LDLRAD4: variants seen among roughly 807,000 people sequenced by gnomAD.
The protein encoded by LDLRAD4 is low-density lipoprotein receptor class A domain-containing protein 4.
LDLRAD4 carries 5 observed loss-of-function variants against 17.0 expected under a neutral mutation model. The ratio of observed to expected loss-of-function variants is 0.29; its 90% confidence interval spans 0.15 to 0.62. The LOEUF is 0.62. LDLRAD4 is among the 20% of genes least tolerant of loss of function. LDLRAD4 has a pLI of 0.84. For synonymous variants in LDLRAD4, 168 were observed against 171.8 expected, an observed-to-expected ratio of 0.98 and a Z score of 0.17; for missense variants, 340 against 424.7, an observed-to-expected ratio of 0.80 and a Z score of 1.75.
Position 13,440,443 on chromosome 18 carries a change from C to T in LDLRAD4, c.181+2059C>T, listed in dbSNP as rs961453705. On this transcript the variant is annotated intron_variant, in intron 3 of 5. Coordinates refer to ENST00000359446, the Ensembl canonical transcript of LDLRAD4. The surrounding 1 kb of genome is among the most constrained non-coding windows in gnomAD (Gnocchi z 4.4). Reference sequence around the variant, plus strand: ...ACTTTGCCCTAACAGAGGAGTCTTACGATCCTGTTGGCAAACTCTTGGCCC... The same window carrying T: ...ACTTTGCCCTAACAGAGGAGTCTTATGATCCTGTTGGCAAACTCTTGGCCC... 6.6e-6 allele frequency among the ~76,000 whole-genome samples: 1 copy of T among 152,158 alleles called. No homozygotes were observed. Among genetic ancestry groups the T allele is most frequent in the African/African-American group, 2.4e-5 (1 of 41,440 alleles).
intron 3 of LDLRAD4, chr18:13,489,476 A>G (rs1464670203): frequency 6.6e-6 from 1 of 152,190 alleles, no homozygotes; most frequent in Non-Finnish European, 1.5e-5. Context: ...TCTTACACCA[A>G]ATAAGGGTGT....
intron 3 of LDLRAD4, among the ~76,000 whole-genome samples, chr18:13,517,478 G>A (rs1011117615): frequency 3.5e-4 from 53 of 152,320 alleles, no homozygotes; most frequent in Non-Finnish European, 6.5e-4. Context: ...TATGAAGTCT[G>A]CTGGTGAGGC....
At chr18:13,545,236 C>G (rs1054339475) in intron 3 of LDLRAD4, among the ~76,000 whole-genome samples, 11 of 152,092 alleles carry the variant, frequency 7.2e-5, no homozygotes, top group African/African-American at 2.7e-4. Flanking sequence ...ATCTTGCTCC[C>G]CGAGCCCCAG....
At chr18:13,612,759 C>G (rs866461111) in intron 3 of LDLRAD4, 1 of 1,613,912 alleles carries the variant, frequency 6.2e-7, no homozygotes, top group Admixed American at 1.7e-5. Context: ...GTTCAAAGAC[C>G]TGTTCTTAAA....
chr18:13,472,080 C>T (rs1488965820), intron 3 of LDLRAD4: 1 of 152,166 alleles, frequency 6.6e-6, no homozygotes, highest in African/African-American at 2.4e-5. Context: ...AAGACGCTGC[C>T]CACCTCCCAG....
At chr18:13,426,647 T>C (rs568716798) in intron 2 of LDLRAD4, among the ~76,000 whole-genome samples, 1 of 152,264 alleles carries the variant, frequency 6.6e-6, no homozygotes, top group South Asian at 2.1e-4. Context: ...GTGTTATCAG[T>C]TACAGGAGCC....
chr18:13,282,365 C>T (rs532337752), intron 1 of LDLRAD4, among the ~76,000 whole-genome samples: 1 of 152,308 alleles, frequency 6.6e-6, no homozygotes, highest in African/African-American at 2.4e-5. Context: ...TAAGGCAAGT[C>T]CCTTCTGCCT....
intron 1 of LDLRAD4, among the ~76,000 whole-genome samples, chr18:13,250,091 G>A (rs1158095899): frequency 6.6e-6 from 1 of 152,204 alleles, no homozygotes; most frequent in East Asian, 1.9e-4. Flanking sequence ...CTTAATGAGT[G>A]TTCTTGGCCT....
intron 1 of LDLRAD4, among the ~76,000 whole-genome samples, chr18:13,280,772 G>C (rs2045221196): frequency 6.6e-6 from 1 of 152,208 alleles, no homozygotes; most frequent in Non-Finnish European, 1.5e-5. Flanking sequence ...TTTCTTCTTG[G>C]TCCTTAAGGG....
chr18:13,629,387 T>C (rs779078795), intron 4 of LDLRAD4, among the ~76,000 whole-genome samples: 1 of 152,198 alleles, frequency 6.6e-6, no homozygotes, highest in Non-Finnish European at 1.5e-5. Flanking sequence ...CAAACTGATC[T>C]GTAGAGAAAG....
rs182489050 is a variant in LDLRAD4, at chr18:13,603,731, G to A, written c.182-17386G>A. ...TGCTCCTGCAGCACATCCGTCACTGGTGCCTTCACCCACTCCACGCTGAGC... is the reference window on the plus strand; with the variant it reads ...TGCTCCTGCAGCACATCCGTCACTGATGCCTTCACCCACTCCACGCTGAGC... On this transcript the variant is annotated intron_variant, in intron 3 of 5. Coordinates refer to ENST00000359446, the Ensembl canonical transcript of LDLRAD4. Among the ~76,000 whole-genome samples the A allele has an allele frequency of 1.2e-4, 18 of 152,334 alleles. No individual in the cohort carries two copies. In the East Asian group the frequency reaches 3.1e-3, roughly 26 times the overall value.
At chr18:13,450,965 C>T (rs1454704989) in intron 3 of LDLRAD4, among the ~76,000 whole-genome samples, 3 of 152,104 alleles carry the variant, frequency 2.0e-5, no homozygotes, top group African/African-American at 7.2e-5. Flanking sequence ...CAGGCCAGAT[C>T]GCTTTCATTC....
chr18:13,401,735 G>T (rs908590708), intron 2 of LDLRAD4, among the ~76,000 whole-genome samples: 21 of 152,304 alleles, frequency 1.4e-4, no homozygotes, highest in African/African-American at 4.6e-4. Flanking sequence ...GGAGAATGGG[G>T]TCTGCTCCCA....
upstream of LDLRAD4, among the ~76,000 whole-genome samples, chr18:13,218,377 C>T (rs558423026): frequency 2.0e-4 from 30 of 152,272 alleles, 1 homozygote; most frequent in Middle Eastern, 6.8e-3. Context: ...CGACCCCCAC[C>T]CCGTTTTCTG....
chr18:13,303,632 G>A (rs1481395170), intron 1 of LDLRAD4, among the ~76,000 whole-genome samples: 2 of 152,094 alleles, frequency 1.3e-5, no homozygotes, highest in Non-Finnish European at 2.9e-5. Context: ...GCTCCTGTCC[G>A]AGACTTTCCT....
At chr18:13,309,603 T>G (rs879274176) in intron 1 of LDLRAD4, among the ~76,000 whole-genome samples, 1 of 152,210 alleles carries the variant, frequency 6.6e-6, no homozygotes, top group Non-Finnish European at 1.5e-5. Context: ...GGAAATAACC[T>G]TCTCTTAAAA....
intron 1 of LDLRAD4, among the ~76,000 whole-genome samples, chr18:13,348,528 C>G (rs2082839405): frequency 6.6e-6 from 1 of 152,182 alleles, no homozygotes; most frequent in Non-Finnish European, 1.5e-5. Flanking sequence ...CAGGGATCCA[C>G]TTGAGGAGGC....
chr18:13,528,002 C>T (rs1297200089), intron 3 of LDLRAD4, among the ~76,000 whole-genome samples: 1 of 152,192 alleles, frequency 6.6e-6, no homozygotes, highest in South Asian at 2.1e-4. Flanking sequence ...ATGTAGGAGG[C>T]TGGGACACTC....
At chr18:13,237,103 A>C (rs1053420713) in intron 1 of LDLRAD4, among the ~76,000 whole-genome samples, 13 of 152,252 alleles carry the variant, frequency 8.5e-5, no homozygotes, top group African/African-American at 2.9e-4. Context: ...CTTGCTAGGC[A>C]TGCTGGCTTG....
Sources: gnomAD v4.1 joint callset for allele counts (sites outside exome capture counted in the v4.1 genomes callset) on GRCh38, gnomAD v4.1.1 for gene constraint, Gnocchi (gnomAD v3.1) non-coding constraint, MANE v1.5 for transcripts, NCBI Gene and HGNC (gene_info 2026-07-23, HGNC 2026-07-21) for gene names.